The following RAB19 variants were observed in gnomAD, a reference collection of about 807,000 sequenced individuals.
RAB19 encodes RAB19, member RAS oncogene family, also known as ras-related protein Rab-19.
A neutral mutation model predicts 17.3 loss-of-function variants in RAB19; 21 were observed. The ratio of observed to expected loss-of-function variants is 1.21; its 90% CI spans 0.86 to 1.74. The LOEUF is 1.74. Among genes scored for constraint, RAB19 ranks in the 40% most tolerant of loss-of-function variants. RAB19 has a pLI of 0.00. For synonymous variants in RAB19, 126 were observed against 110.4 expected, an observed-to-expected ratio of 1.14 and a Z score of -0.88; for missense variants, 277 against 286.8, an observed-to-expected ratio of 0.97 and a Z score of 0.25.
At chr7:140,425,208 C>A (rs73482582) in intron 3 of RAB19, among the ~76,000 whole-genome samples, 1 of 152,016 alleles carries the variant, frequency 6.6e-6, no homozygotes, top group South Asian at 2.1e-4. Context: ...ATCGTTTGAA[C>A]CTGGGAGGCA....
chr7:140,427,482 G>A lies in RAB19; in HGVS notation c.*1332G>A, dbSNP rs372212155. On this transcript the variant is annotated 3_prime_UTR_variant, in exon 4 of 4. Transcript: ENST00000537763. ...TTTTTTTTTTTTGAGACAGAGTTTC[G>A]CTCTTGTTGCCCAGGCTGGAGTGCA... Among the ~76,000 whole-genome samples the A allele has an allele frequency of 1.9e-3, 229 of 122,500 alleles. No homozygotes were observed. Among genetic ancestry groups the A allele is most frequent in the African/African-American group, 7.1e-3 (225 of 31,774 alleles). 80.4% of individuals were successfully genotyped at this position (122,500 alleles called of 152,430 possible). A position where few individuals can be genotyped will look rare whatever the true frequency, so the allele number is the denominator to read the frequency against.
intron 3 of RAB19, among the ~76,000 whole-genome samples, chr7:140,422,754 T>G (rs1799585423): frequency 6.6e-6 from 1 of 152,056 alleles, no homozygotes; most frequent in African/African-American, 2.4e-5. Flanking sequence ...TGCAGTGAGC[T>G]ATGATCATGC....
chr7:140,413,747 A>C (rs549129054), intron 3 of RAB19, among the ~76,000 whole-genome samples: 1 of 152,130 alleles, frequency 6.6e-6, no homozygotes, highest in Non-Finnish European at 1.5e-5. Flanking sequence ...GTTATGTCCT[A>C]GTAGAGCAAA....
intron 3 of RAB19, among the ~76,000 whole-genome samples, chr7:140,419,552 T>C (rs969874500): frequency 6.6e-6 from 1 of 152,222 alleles, no homozygotes; most frequent in Non-Finnish European, 1.5e-5. Context: ...TCTGTTCTCT[T>C]GGCAATGGAC....
rs114223783 is a variant in RAB19, at chr7:140,407,519, C to T, written c.-23-105C>T. On this transcript the variant is annotated intron_variant, in intron 1 of 3. Coordinates refer to ENST00000537763, the MANE Select transcript of RAB19 (RefSeq NM_001008749.3). ...TGTGCCCGACTAGCATCATTAGCAT[C>T]GTCCTCTCACAAGGATGTAGCACTG... 692 of 739,266 alleles carry T rather than the reference C, an allele frequency of 9.4e-4. 8 individuals are homozygous for T. In the African/African-American group the frequency reaches 0.01, roughly 11 times the overall value. 45.8% of individuals were successfully genotyped at this position (739,266 alleles called of 1,614,324 possible).
At chr7:140,424,305 G>GCAC in intron 3 of RAB19, among the ~76,000 whole-genome samples, 1 of 151,770 alleles carries the variant, frequency 6.6e-6, no homozygotes. Context: ...CTACAGGCAT[G>GCAC]CACCACCACA....
At position 140,412,046 on chromosome 7, in the gene RAB19, T is replaced by C. The variant is rs1799375859; in HGVS notation, c.374T>C (p.Ile125Thr). Residue 125 changes from isoleucine to threonine, a missense_variant, in exon 3 of 4, where the codon ATT becomes ACT. Coordinates refer to ENST00000537763, the MANE Select transcript of RAB19 (RefSeq NM_001008749.3). Reference protein sequence around the residue: ...IEKYGAANVVIMLIGNKCDLW... With the variant: ...IEKYGAANVVTMLIGNKCDLW... ...AAATATGGAGCTGCAAATGTGGTCA[T>C]TATGCTGATTGGTATGGCATTTTTG... 6.2e-7 allele frequency: 1 copy of C among 1,611,660 alleles called. No homozygotes were observed. The highest frequency in any genetic ancestry group is 1.7e-5 in the Admixed American group (1 of 60,004).
intron 3 of RAB19, among the ~76,000 whole-genome samples, chr7:140,419,261 G>A (rs150965122): frequency 0.015 from 2,286 of 151,952 alleles, 57 homozygotes; most frequent in African/African-American, 0.051. Context: ...GTACAGATGC[G>A]TTTTACTATG....
chr7:140,418,858 C>CAAA (rs10649285), intron 3 of RAB19, among the ~76,000 whole-genome samples: 160 of 135,422 alleles, frequency 1.2e-3, no homozygotes, highest in Admixed American at 2.6e-3. Flanking sequence ...AACCCTGTCT[C>CAAA]AAAAAAAAAA....
At position 140,411,855 on chromosome 7, in the gene RAB19, C is replaced by T. The variant is rs752592311; in HGVS notation, c.202-19C>T. ...TGTGGGAACCCCTGATTTGGACTCT[C>T]CTTCCTGTCCTTCTCCAGATGCAGG... On this transcript the variant is annotated intron_variant, in intron 2 of 3. Transcript: ENST00000537763. 8 of 1,613,980 alleles carry T rather than the reference C, an allele frequency of 5.0e-6. No homozygotes were observed. The East Asian group carries it at 1.8e-4, about 36-fold the overall frequency.
rs758815097 is a variant in RAB19 at position 140,425,916 on chromosome 7, C to T, written c.420C>T (p.Val140=). The T allele has an allele frequency of 8.1e-6, 13 of 1,613,930 alleles. No individual in the cohort carries two copies. In the African/African-American group the frequency reaches 1.7e-4, roughly 22 times the overall value. Residue 140 remains valine, a synonymous_variant, in exon 4 of 4, where the codon GTC becomes GTT. Transcript: ENST00000537763. ...NKCDLWEKRH[V]LFEDACTLAE... is the part of the protein sequence containing the mutation. ...GTGACCTCTGGGAAAAGCGGCACGT[C>T]CTGTTCGAGGATGCCTGCACACTGG...
intron 1 of RAB19, among the ~76,000 whole-genome samples, chr7:140,405,776 G>A (rs1459134945): frequency 5.8e-5 from 7 of 121,614 alleles, no homozygotes; most frequent in Middle Eastern, 4.0e-3. Flanking sequence ...GTGACAGAGC[G>A]AGACTCTGTC....
At position 140,426,493 on chromosome 7, in the gene RAB19, T is replaced by C. The variant is rs1453880303; in HGVS notation, c.*343T>C. 5.3e-5 allele frequency among the ~76,000 whole-genome samples: 8 copies of C among 152,314 alleles called. No homozygotes were observed. In the East Asian group the frequency reaches 1.5e-3, roughly 29 times the overall value. ...CTGCTTTCTACTGAATTTTGTTTCT[T>C]GCTTGAAGAAGAGGGTAGTGAAGGA... On this transcript the variant is annotated 3_prime_UTR_variant, in exon 4 of 4. Coordinates refer to ENST00000537763, the MANE Select transcript of RAB19 (RefSeq NM_001008749.3).
chr7:140,409,902 A>C (rs1009219892), intron 2 of RAB19, among the ~76,000 whole-genome samples: 3 of 148,868 alleles, frequency 2.0e-5, no homozygotes, highest in African/African-American at 7.4e-5. Context: ...CTGAGGCAGG[A>C]GAATGGCGTG....
Position 140,406,586 on chromosome 7 carries a change from C to T in RAB19, c.-23-1038C>T, listed in dbSNP as rs142832142. On this transcript the variant is annotated intron_variant, in intron 1 of 3. Coordinates refer to ENST00000537763, the MANE Select transcript of RAB19 (RefSeq NM_001008749.3). ...ACTGGAAGGCAGAGGTTGCAGTGAG[C>T]TGAGATCATGCCATTGCACTCCAGC... Among the ~76,000 whole-genome samples, 1,432 of 150,996 alleles carry T rather than the reference C, an allele frequency of 9.5e-3. 20 individuals are homozygous for T. The highest frequency in any genetic ancestry group is 0.033 in the African/African-American group (1,338 of 41,076).
rs773684234 is a variant in RAB19 at position 140,407,815 on chromosome 7, C to A, written c.169C>A (p.Arg57Ser). The change falls in exon 2 of 4, where the codon CGT becomes AGT. Residue 57 changes from arginine to serine, a missense_variant. By Grantham distance (110) the Arg-to-Ser change is moderately radical. Transcript: ENST00000537763. Reference protein sequence around the residue: ...QNTIGVDFTVRSLDIDGKKVK... With the variant: ...QNTIGVDFTVSSLDIDGKKVK... ...CACGATTGGAGTGGACTTTACCGTG[C>A]GTTCCCTTGATATTGACGGCAAAAA... is the stretch of plus-strand genomic sequence containing the variant. 2 of 1,579,094 alleles carry A rather than the reference C, an allele frequency of 1.3e-6. No homozygotes were observed. Among genetic ancestry groups the A allele is most frequent in the South Asian group, 1.1e-5 (1 of 90,434 alleles).
At chr7:140,414,547 C>A (rs1799421150) in intron 3 of RAB19, among the ~76,000 whole-genome samples, 1 of 152,214 alleles carries the variant, frequency 6.6e-6, no homozygotes, top group African/African-American at 2.4e-5. Flanking sequence ...TAACAAGCAT[C>A]TCTGCCTCAC....
At chr7:140,408,448 G>A (rs1392493652) in intron 2 of RAB19, among the ~76,000 whole-genome samples, 4 of 151,612 alleles carry the variant, frequency 2.6e-5, no homozygotes, top group Non-Finnish European at 5.9e-5. Context: ...TTTTGGGGGG[G>A]TGGGGGAGTG....
chr7:140,411,062 A>G, intron 2 of RAB19: 1 of 1,367,810 alleles, frequency 7.3e-7, no homozygotes, highest in Non-Finnish European at 9.8e-7. Flanking sequence ...CCAAGTGATG[A>G]GTCAGGAGAA....
Sources: gnomAD v4.1 joint callset for allele counts (sites outside exome capture counted in the v4.1 genomes callset) on GRCh38, gnomAD v4.1.1 for gene constraint, MANE v1.5 for transcripts, NCBI Gene and HGNC (gene_info 2026-07-23, HGNC 2026-07-21) for gene names.